Variants in ABCC5 observed in about 807,000 individuals in gnomAD.
The protein encoded by ABCC5 is ATP binding cassette subfamily C member 5, also known as ATP-binding cassette sub-family C member 5.
Under a neutral mutation model 160.9 loss-of-function variants are expected in ABCC5, and 61 were observed. The ratio of observed to expected loss-of-function variants is 0.38; its 90% CI spans 0.31 to 0.47. ABCC5 has a LOEUF of 0.47. Ranked by LOEUF, ABCC5 falls within the 20% of genes least tolerant of loss-of-function variation. The probability of loss-of-function intolerance (pLI) is 0.99; values close to 1 mark genes in which losing one functional copy is unlikely to be tolerated. For missense variants in ABCC5, 1,308 were observed against 1,813.3 expected (o/e 0.72, Z 5.06); for synonymous variants, 666 against 700.6 (o/e 0.95, Z 0.78).
At chr3:183,947,894 C>T (rs1714996048) in intron 22 of ABCC5, among the ~76,000 whole-genome samples, 1 of 152,106 alleles carries the variant, frequency 6.6e-6, no homozygotes, top group Non-Finnish European at 1.5e-5. Context: ...GTTACAAACG[C>T]CAACAGCAGA....
intron 2 of ABCC5, among the ~76,000 whole-genome samples, chr3:184,007,694 G>T (rs563583499): frequency 6.6e-6 from 1 of 152,244 alleles, no homozygotes. Context: ...GGGTGTGGTT[G>T]CATGTGCCTG....
rs1053860685 is a variant in ABCC5 at position 184,017,454 on chromosome 3, G to A, written c.-56+376C>T. On this transcript the variant is annotated intron_variant, in intron 1 of 29. Transcript: ENST00000334444. This position sits in a 1 kb window ranked among gnomAD's most constrained non-coding sequence, Gnocchi z 4.5. ...GTTTCTCTCAGACCCGCTTCGCCTG[G>A]GATGCCCGGGCCCTAGGGCGTTCCC... 1.3e-5 allele frequency: 2 copies of A among 152,196 alleles called. No homozygotes were observed. The highest frequency in any genetic ancestry group is 2.4e-5 in the African/African-American group (1 of 41,458). The allele number at this position is 152,196 out of a possible 1,614,324, so 9.4% of individuals were successfully genotyped here.
intron 11 of ABCC5, among the ~76,000 whole-genome samples, chr3:183,971,189 T>C (rs1365326524): frequency 6.6e-6 from 1 of 152,152 alleles, no homozygotes; most frequent in African/African-American, 2.4e-5. Flanking sequence ...AGAATACCTA[T>C]CATGTGCCAG....
At chr3:183,975,099 A>T (rs1718093069) in intron 10 of ABCC5, among the ~76,000 whole-genome samples, 2 of 152,198 alleles carry the variant, frequency 1.3e-5, no homozygotes, top group Non-Finnish European at 1.5e-5. Flanking sequence ...GAGAGGGCAG[A>T]TGCTTTTGGG....
At chr3:183,923,704 T>C (rs1712232661) in intron 29 of ABCC5, among the ~76,000 whole-genome samples, 1 of 152,208 alleles carries the variant, frequency 6.6e-6, no homozygotes, top group Non-Finnish European at 1.5e-5. Flanking sequence ...TAACACCTAC[T>C]TACAAAGTAG....
intron 2 of ABCC5, among the ~76,000 whole-genome samples, chr3:184,010,293 T>C (rs776886689): frequency 1.3e-5 from 2 of 149,486 alleles, no homozygotes; most frequent in Admixed American, 6.7e-5. Context: ...AAAAAAAGTT[T>C]AGGAAACATG....
At chr3:184,012,508 G>A (rs1045096111) in intron 2 of ABCC5, among the ~76,000 whole-genome samples, 5 of 152,136 alleles carry the variant, frequency 3.3e-5, no homozygotes, top group Admixed American at 6.5e-5. Flanking sequence ...TACAAATGAC[G>A]TAAGTAGCTT....
In ABCC5 at chr3:183,988,182, T is replaced by G. The variant is rs762762061; in HGVS notation, c.444-265A>C. Reference sequence around the variant, plus strand: ...TCCACCCAGGAAAATGATCCCTGAATGCAATTTGTGAATAAGAACTTTCTT... The same window carrying G: ...TCCACCCAGGAAAATGATCCCTGAAGGCAATTTGTGAATAAGAACTTTCTT... On this transcript the variant is annotated intron_variant, in intron 4 of 29. Transcript: ENST00000334444. The surrounding 1 kb of genome is among the most constrained non-coding windows in gnomAD (Gnocchi z 4.4). 6.6e-6 allele frequency among the ~76,000 whole-genome samples: 1 copy of G among 152,158 alleles called. No individual in the cohort carries two copies. Among genetic ancestry groups the G allele is most frequent in the Non-Finnish European group, 1.5e-5 (1 of 68,016 alleles).
At chr3:183,967,231 G>A (rs1717305269) in intron 12 of ABCC5, 1 of 189,094 alleles carries the variant, frequency 5.3e-6, no homozygotes, top group Non-Finnish European at 1.1e-5. Context: ...CTCTTTCAGG[G>A]ATTAGGCAGA....
At chr3:183,954,515 G>A (rs1203317753) in intron 17 of ABCC5, among the ~76,000 whole-genome samples, 1 of 152,218 alleles carries the variant, frequency 6.6e-6, no homozygotes, top group Non-Finnish European at 1.5e-5. Context: ...CGAGGCAGCT[G>A]TAACACTGTA....
intron 2 of ABCC5, chr3:184,001,377 T>C: frequency 2.4e-6 from 1 of 421,244 alleles, no homozygotes; most frequent in Non-Finnish European, 4.2e-6. Context: ...AAACGAGGTA[T>C]TTCTTTTTTC....
Position 183,987,808 on chromosome 3 carries a change from A to G in ABCC5, c.553T>C (p.Cys185Arg). 1 of 1,614,236 alleles carries G rather than the reference A, an allele frequency of 6.2e-7. No homozygotes were observed. The highest frequency in any genetic ancestry group is 8.5e-7 in the Non-Finnish European group (1 of 1,180,038). Residue 185 changes from cysteine to arginine, a missense_variant, in exon 5 of 30, where the codon TGC becomes CGC. Cys to Arg is a radical substitution (Grantham distance 180). Transcript: ENST00000334444. The surrounding 1 kb of genome is among the most constrained non-coding windows in gnomAD (Gnocchi z 4.2). ...CRTRLILSIV[C>R]LMITQLAGFS... ...CCAGCCAGCTGCGTGATCATCAGGC[A>G]CACGATGGACAGGATGAGCCTGGTG...
chr3:183,951,461 A>C lies in ABCC5; in HGVS notation c.2924T>G (p.Phe975Cys), dbSNP rs1577504441. 1.2e-6 allele frequency: 2 copies of C among 1,614,198 alleles called. No individual in the cohort carries two copies. The highest frequency in any genetic ancestry group is 4.5e-5 in the East Asian group (2 of 44,884). Residue 975 changes from phenylalanine to cysteine, a missense_variant, in exon 20 of 30, where the codon TTT (phenylalanine) becomes TGT (cysteine). By Grantham distance (205) the Phe-to-Cys change is radical (BLOSUM62 -2). Transcript: ENST00000334444. The surrounding 1 kb of genome is among the most constrained non-coding windows in gnomAD (Gnocchi z 4.7). Reference protein sequence around the residue: ...TTPTGRILNRFSKDMDEVDVR... With the variant: ...TTPTGRILNRCSKDMDEVDVR... ...AATACCTTCATCCATGTCTTTGGAA[A>C]ACCTGTTGAGAATCCTCCCTGTGGG... is the stretch of plus-strand genomic sequence containing the variant.
At chr3:183,985,404 T>C in intron 5 of ABCC5, 2 of 1,599,126 alleles carry the variant, frequency 1.3e-6, no homozygotes, top group Non-Finnish European at 1.7e-6. Flanking sequence ...TGTCACTGGT[T>C]CCACTACAGA....
intron 17 of ABCC5, among the ~76,000 whole-genome samples, chr3:183,955,360 TA>T (rs2108802904): frequency 6.6e-6 from 1 of 152,320 alleles, no homozygotes; most frequent in East Asian, 1.9e-4. Flanking sequence ...GATCTCTATA[TA>T]AATGTTAATG....
At chr3:183,972,275 A>C (rs1412859304) in intron 10 of ABCC5, among the ~76,000 whole-genome samples, 1 of 152,222 alleles carries the variant, frequency 6.6e-6, no homozygotes, top group Admixed American at 6.5e-5. Context: ...TAGGAAAAGC[A>C]AAGGGCATGC....
At chr3:183,962,929 T>A (rs528192330) in intron 15 of ABCC5, among the ~76,000 whole-genome samples, 2 of 152,344 alleles carry the variant, frequency 1.3e-5, no homozygotes, top group South Asian at 4.1e-4. Context: ...ATGACTTTCT[T>A]TGGCAGAATG....
chr3:183,952,568 T>C (rs1338663879), intron 18 of ABCC5, among the ~76,000 whole-genome samples: 3 of 152,098 alleles, frequency 2.0e-5, no homozygotes, highest in Non-Finnish European at 2.9e-5. Flanking sequence ...GATTGTGGGG[T>C]GGATTCCCCC....
intron 12 of ABCC5, 110 bp from the exon 13 acceptor site, chr3:183,965,611 G>T: frequency 6.8e-7 from 1 of 1,461,390 alleles, no homozygotes; most frequent in South Asian, 1.3e-5. Context: ...TTCCCGGGAT[G>T]CTTTTTGGAC....
Sources: allele counts gnomAD v4.1 joint callset (sites outside exome capture counted in the v4.1 genomes callset), GRCh38; gene constraint gnomAD v4.1.1; non-coding constraint Gnocchi (gnomAD v3.1); transcripts MANE v1.5; gene names NCBI Gene and HGNC (gene_info 2026-07-23, HGNC 2026-07-21).